The following ESRRA variants were observed in gnomAD, a reference collection of about 807,000 sequenced individuals.
ESRRA encodes the protein steroid hormone receptor ERR1.
A neutral mutation model predicts 35.6 loss-of-function variants in ESRRA; 7 were observed. The ratio of observed to expected loss-of-function variants is 0.20; its 90% confidence interval spans 0.11 to 0.37. The LOEUF (loss-of-function observed/expected upper bound fraction) is 0.37, where lower values mean the gene tolerates loss of function less well. Ranked by LOEUF, ESRRA falls within the 10% of genes least tolerant of loss-of-function variation. The pLI is 1.00. For missense variants in ESRRA, 378 were observed against 561.7 expected (o/e 0.67, Z 3.31); for synonymous variants, 223 against 246.9 (o/e 0.90, Z 0.91).
intron 2 of ESRRA, among the ~76,000 whole-genome samples, chr11:64,312,997 G>A (rs954953437): frequency 1.3e-5 from 2 of 152,174 alleles, no homozygotes; most frequent in Non-Finnish European, 2.9e-5. Context: ...ATCCCCAGAG[G>A]GTTTTGAGAA....
chr11:64,316,019 C>T lies in ESRRA; in HGVS notation c.*53C>T. The T allele has an allele frequency of 1.3e-6, 2 of 1,526,296 alleles. No homozygotes were observed. The highest frequency in any genetic ancestry group is 8.8e-7 in the Non-Finnish European group (1 of 1,133,130). The allele number at this position is 1,526,296 out of a possible 1,614,324, so 94.5% of individuals were successfully genotyped here. On this transcript the variant is annotated 3_prime_UTR_variant, in exon 7 of 7. Coordinates refer to ENST00000000442, the MANE Select transcript of ESRRA (RefSeq NM_004451.5). ...TGGCAGGACCTGCCTAGCATGGGGT[C>T]AGCCCCAAGGGCTGGGGCGGAGCTG...
At position 64,305,594 on chromosome 11, in the gene ESRRA, C is replaced by G. The variant is rs917697236; in HGVS notation, c.-155C>G. 4.1e-4 allele frequency: 62 copies of G among 151,262 alleles called. No individual in the cohort carries two copies. Among genetic ancestry groups the G allele is most frequent in the African/African-American group, 1.4e-3 (57 of 41,404 alleles). The allele number at this position is 151,262 out of a possible 1,614,324, so 9.4% of individuals were successfully genotyped here. On this transcript the variant is annotated 5_prime_UTR_variant, in exon 1 of 7. Coordinates refer to ENST00000000442, the MANE Select transcript of ESRRA (RefSeq NM_004451.5). The surrounding 1 kb of genome is among the most constrained non-coding windows in gnomAD (Gnocchi z 5.8). ...GTGTCCTACAAGCAGCCGGCGGCGC[C>G]GCCGAGTGAGGGGACGCGGCGCGGT...
Position 64,315,269 on chromosome 11 carries a change from A to G in ESRRA, c.1011A>G (p.Ser337=), listed in dbSNP as rs1361791105. ...TAAAGGCCTTGGCCCTTGCCAATTC[A>G]GGTGAGTCTGGGGCAGGCACTGACA... ...VLLKALALAN[S]DSVHIEDAEA... is the part of the protein sequence containing the mutation. Residue 337 remains serine (S), a splice_region_variant and synonymous_variant, in exon 6 of 7, where the codon TCA becomes TCG. Transcript: ENST00000000442. 7 of 1,554,558 alleles carry G rather than the reference A, an allele frequency of 4.5e-6. No homozygotes were observed. The highest frequency in any genetic ancestry group is 4.5e-5 in the East Asian group (2 of 44,254).
At chr11:64,314,124 TG>T in intron 3 of ESRRA, 57 bp downstream of exon 3, 4 of 1,548,932 alleles carry the variant, frequency 2.6e-6, no homozygotes, top group South Asian at 1.2e-5. Flanking sequence ...CCGGGCCAGG[TG>T]GGGGTGAGGC....
intron 3 of ESRRA, 61 bp from the exon 4 acceptor site, chr11:64,314,178 G>A (rs1166287359): frequency 1.6e-5 from 25 of 1,571,646 alleles, no homozygotes; most frequent in Non-Finnish European, 2.0e-5. Flanking sequence ...CAGCTCTGGA[G>A]AGCAAGCCCC....
At chr11:64,307,975 C>A (rs1260474114) in intron 2 of ESRRA, among the ~76,000 whole-genome samples, 2 of 152,050 alleles carry the variant, frequency 1.3e-5, no homozygotes, top group Non-Finnish European at 2.9e-5. Context: ...TCACTGCAAC[C>A]TTTGCCCCTG....
intron 2 of ESRRA, among the ~76,000 whole-genome samples, chr11:64,311,864 T>C (rs1158322537): frequency 6.6e-6 from 1 of 151,490 alleles, no homozygotes; most frequent in Non-Finnish European, 1.5e-5. Flanking sequence ...TTTGTATTTT[T>C]AGTAGAGACA....
At chr11:64,310,536 GTTTTT>G (rs1185768710) in intron 2 of ESRRA, among the ~76,000 whole-genome samples, 10 of 100,484 alleles carry the variant, frequency 1.0e-4, no homozygotes, top group Non-Finnish European at 1.3e-4. Flanking sequence ...TCCTGGCCAG[GTTTTT>G]TTTTTTTTTT....
At chr11:64,309,620 A>G (rs1266482453) in intron 2 of ESRRA, among the ~76,000 whole-genome samples, 1 of 149,550 alleles carries the variant, frequency 6.7e-6, no homozygotes, top group African/African-American at 2.5e-5. Flanking sequence ...TTTGGGGGCT[A>G]TAACACGTAT....
rs911904085 is a variant in ESRRA, at chr11:64,314,097, C to T, written c.442+30C>T. On this transcript the variant is annotated intron_variant, in intron 3 of 6. Coordinates refer to ENST00000000442, the MANE Select transcript of ESRRA (RefSeq NM_004451.5). ...GCGCTGGGCAGGGGCTGGGCGAGGG[C>T]TGGGGGAGTCGGGGACCCGGGCCAG... 4 of 1,562,706 alleles carry T rather than the reference C, an allele frequency of 2.6e-6. No individual in the cohort carries two copies. In the African/African-American group the frequency reaches 5.4e-5, roughly 21 times the overall value.
chr11:64,307,131 A>G, intron 1 of ESRRA, 37 bp from the exon 2 acceptor site: 2 of 1,497,442 alleles, frequency 1.3e-6, no homozygotes, highest in Non-Finnish European at 1.8e-6. Flanking sequence ...CCCCCATACC[A>G]GTGCTTTCCT....
In ESRRA at chr11:64,315,614, C is replaced by T. The variant is rs1360780996; in HGVS notation, c.1013-93C>T. On this transcript the variant is annotated intron_variant, in intron 6 of 6. Coordinates refer to ENST00000000442, the MANE Select transcript of ESRRA (RefSeq NM_004451.5). ...CCAATCAACAAATCCTCGTTTGGCT[C>T]TTCCTTAGGCCCCATCCAGCAGTGC... 9 of 1,510,728 alleles carry T rather than the reference C, an allele frequency of 6.0e-6. No homozygotes were observed. In the Middle Eastern group the frequency reaches 5.4e-4, roughly 91 times the overall value. 93.6% of individuals were successfully genotyped at this position (1,510,728 alleles called of 1,614,324 possible). A position where few individuals can be genotyped will look rare whatever the true frequency, so the allele number is the denominator to read the frequency against.
Position 64,315,918 on chromosome 11 carries a change from G to C in ESRRA, c.1224G>C (p.Val408=), listed in dbSNP as rs768369810. 8.1e-6 allele frequency: 13 copies of C among 1,600,526 alleles called. No individual in the cohort carries two copies. In the Admixed American group the frequency reaches 1.3e-4, roughly 17 times the overall value. ...ATGGGGTGAAGCTGGAGGGCAAGGTGCCCATGCACAAGCTGTTCTTGGAGA... is the reference window on the plus strand; with the variant it reads ...ATGGGGTGAAGCTGGAGGGCAAGGTCCCCATGCACAAGCTGTTCTTGGAGA... ...HFYGVKLEGK[V]PMHKLFLEML... The change falls in exon 7 of 7, where the codon GTG becomes GTC. Residue 408 remains valine (V), a synonymous_variant. Transcript: ENST00000000442.
At chr11:64,306,040 G>A (rs1449441055) in intron 1 of ESRRA, among the ~76,000 whole-genome samples, 1 of 152,178 alleles carries the variant, frequency 6.6e-6, no homozygotes, top group East Asian at 1.9e-4. Context: ...CGCATTTGCC[G>A]AAGTCCCTGG....
chr11:64,315,393 C>T, intron 6 of ESRRA, 123 bp downstream of exon 6: 1 of 1,224,528 alleles, frequency 8.2e-7, no homozygotes, highest in Non-Finnish European at 1.1e-6. Flanking sequence ...AGAACAATGA[C>T]TTGCTAGAAG....
rs760421712 is a variant in ESRRA, at chr11:64,313,173, G to A, written c.326-778G>A. Among the ~76,000 whole-genome samples, 6 of 152,188 alleles carry A rather than the reference G, an allele frequency of 3.9e-5. No individual in the cohort carries two copies. Among genetic ancestry groups the A allele is most frequent in the Non-Finnish European group, 8.8e-5 (6 of 68,040 alleles). ...GGCAGGAGGCGGATTCTGGACCTTG[G>A]AGGAGGTAAAGCCCACCAGAATGTG... is the stretch of plus-strand genomic sequence containing the variant. On this transcript the variant is annotated intron_variant, in intron 2 of 6. Coordinates refer to ENST00000000442, the MANE Select transcript of ESRRA (RefSeq NM_004451.5). This position sits in a 1 kb window ranked among gnomAD's most constrained non-coding sequence, Gnocchi z 4.0.
In ESRRA at chr11:64,315,740, A is replaced by C. The variant is rs1415119921; in HGVS notation, c.1046A>C (p.Glu349Ala). The C allele has an allele frequency of 3.1e-6, 5 of 1,613,938 alleles. No individual in the cohort carries two copies. The highest frequency in any genetic ancestry group is 4.2e-6 in the Non-Finnish European group (5 of 1,179,830). The change falls in exon 7 of 7, where the codon GAG becomes GCG. Residue 349 changes from glutamate to alanine, a missense_variant. Physicochemically the swap from Glu to Ala is moderately radical, Grantham distance 107. Around this residue, in one of 4 missense-constraint regions of ESRRA, gnomAD observed 284 missense variants for 411.7 expected, o/e 0.69. Transcript: ENST00000000442. Reference sequence around the variant, plus strand: ...CACATCGAAGATGCCGAGGCTGTGGAGCAGCTGCGAGAAGCTCTGCACGAG... The same window carrying C: ...CACATCGAAGATGCCGAGGCTGTGGCGCAGCTGCGAGAAGCTCTGCACGAG... ...SVHIEDAEAV[E>A]QLREALHEAL...
intron 2 of ESRRA, among the ~76,000 whole-genome samples, 169 bp downstream of exon 2, chr11:64,307,673 C>T (rs764392445): frequency 1.3e-5 from 2 of 152,214 alleles, no homozygotes; most frequent in Non-Finnish European, 2.9e-5. Context: ...GGTAAAAGCA[C>T]CGGGTGTGCT....
At position 64,314,226 on chromosome 11, in the gene ESRRA, C is replaced by G; in HGVS notation, c.443-13C>G. On this transcript the variant is annotated splice_polypyrimidine_tract_variant and intron_variant, in intron 3 of 6. Transcript: ENST00000000442. The stretch of plus-strand genomic sequence containing the variant: ...GCACCACAGTCACAGTCCTATCTGT[C>G]CCACAATTCAAGGAGTGCGCCTGGA... The G allele has an allele frequency of 1.2e-6, 2 of 1,605,020 alleles. No individual in the cohort carries two copies. The highest frequency in any genetic ancestry group is 1.7e-6 in the Non-Finnish European group (2 of 1,176,452).
Sources: gnomAD v4.1 joint callset for allele counts (sites outside exome capture counted in the v4.1 genomes callset) on GRCh38, gnomAD v4.1.1 for gene constraint, gnomAD v4.1.1 regional missense constraint, Gnocchi (gnomAD v3.1) non-coding constraint, MANE v1.5 for transcripts, NCBI Gene and HGNC (gene_info 2026-07-23, HGNC 2026-07-21) for gene names.